CFAP299: variants seen among roughly 807,000 people sequenced by gnomAD.
CFAP299 encodes the protein cilia- and flagella-associated protein 299.
A neutral mutation model predicts 27.0 loss-of-function variants in CFAP299; 21 were observed. The ratio of observed to expected loss-of-function variants is 0.78; its 90% CI spans 0.55 to 1.12. The LOEUF is 1.12. Among genes scored for constraint, CFAP299 ranks in the 50% most tolerant of loss-of-function variants. The probability of loss-of-function intolerance (pLI) is 0.00; values close to 1 mark genes in which losing one functional copy is unlikely to be tolerated. For synonymous variants in CFAP299, 104 were observed against 98.1 expected (o/e 1.06, Z -0.36); for missense variants, 310 against 276.6 (o/e 1.12, Z -0.86).
intron 3 of CFAP299, among the ~76,000 whole-genome samples, chr4:80,721,064 A>G (rs192529391): frequency 1.3e-5 from 2 of 152,294 alleles, no homozygotes; most frequent in East Asian, 3.9e-4. Flanking sequence ...CAAAAATTAA[A>G]CACAGAAGAG....
intron 2 of CFAP299, among the ~76,000 whole-genome samples, chr4:80,494,181 G>C (rs116539869): frequency 1.6e-3 from 247 of 152,176 alleles, no homozygotes; most frequent in African/African-American, 5.8e-3. Flanking sequence ...GTCCAAAAGA[G>C]ACCCTAGATT....
At chr4:80,505,914 A>G (rs983604646) in intron 2 of CFAP299, among the ~76,000 whole-genome samples, 2 of 151,950 alleles carry the variant, frequency 1.3e-5, no homozygotes, top group South Asian at 2.1e-4. Context: ...CTCTATGATT[A>G]TGGCTATAAA....
chr4:80,904,870 C>A (rs1735104347), intron 4 of CFAP299, among the ~76,000 whole-genome samples: 1 of 152,164 alleles, frequency 6.6e-6, no homozygotes, highest in Non-Finnish European at 1.5e-5. Flanking sequence ...TCATAAGCAG[C>A]AAACATGTGT....
At chr4:80,740,782 G>C (rs1446286809) in intron 3 of CFAP299, among the ~76,000 whole-genome samples, 1 of 152,118 alleles carries the variant, frequency 6.6e-6, no homozygotes, top group Non-Finnish European at 1.5e-5. Flanking sequence ...CTTTCCAAAG[G>C]GTGGCCTTTC....
chr4:80,461,862 T>TA (rs1729455790), intron 2 of CFAP299, among the ~76,000 whole-genome samples: 1 of 152,164 alleles, frequency 6.6e-6, no homozygotes, highest in South Asian at 2.1e-4. Context: ...TATCACAGAA[T>TA]TAGAAAAGAC....
intron 3 of CFAP299, among the ~76,000 whole-genome samples, chr4:80,661,647 C>A (rs1036436275): frequency 6.6e-6 from 1 of 151,998 alleles, no homozygotes; most frequent in East Asian, 1.9e-4. Context: ...ATTGCATTAA[C>A]TGCACAAATT....
At chr4:80,666,122 C>G (rs1047492677) in intron 3 of CFAP299, among the ~76,000 whole-genome samples, 2 of 152,004 alleles carry the variant, frequency 1.3e-5, no homozygotes, top group African/African-American at 4.8e-5. Flanking sequence ...CAAAATTTAC[C>G]TTAATAGGAT....
Position 80,519,821 on chromosome 4 carries a change from G to A in CFAP299, c.243-63272G>A, listed in dbSNP as rs144029089. ...TCCTGTAACTGCCCTTAAACCTTGG[G>A]TACATAAATTTATGTTGCATACCAC... On this transcript the variant is annotated intron_variant, in intron 2 of 5. Coordinates refer to ENST00000358105, the MANE Select transcript of CFAP299 (RefSeq NM_152770.3). 2.6e-3 allele frequency among the ~76,000 whole-genome samples: 390 copies of A among 152,212 alleles called. 2 individuals are homozygous for A. The highest frequency in any genetic ancestry group is 4.9e-3 in the Non-Finnish European group (330 of 68,000).
chr4:80,891,337 T>C (rs1208892426), intron 4 of CFAP299, among the ~76,000 whole-genome samples: 1 of 151,770 alleles, frequency 6.6e-6, no homozygotes, highest in Non-Finnish European at 1.5e-5. Context: ...CCATTGCTTG[T>C]TTTTCTCAGG....
At chr4:80,948,063 C>A (rs933643291) in intron 5 of CFAP299, among the ~76,000 whole-genome samples, 19 of 152,142 alleles carry the variant, frequency 1.2e-4, no homozygotes, top group African/African-American at 4.6e-4. Context: ...CAACTCAGCT[C>A]TCCTTTTCTT....
rs778975275 is a variant in CFAP299, at chr4:80,919,965, A to G, written c.477-24845A>G. Among the ~76,000 whole-genome samples the G allele has an allele frequency of 5.7e-4, 87 of 152,116 alleles. 1 individual carries two copies. The highest frequency in any genetic ancestry group is 1.8e-4 in the Non-Finnish European group (12 of 68,004). The stretch of plus-strand genomic sequence containing the variant: ...CAAACATTAGTTCTTATAATTCTCT[A>G]AGAACTATCTGACCTGTTTTAAAAA... On this transcript the variant is annotated intron_variant, in intron 4 of 5. Transcript: ENST00000358105.
intron 3 of CFAP299, among the ~76,000 whole-genome samples, chr4:80,651,670 T>C (rs1740306285): frequency 6.6e-6 from 1 of 150,958 alleles, no homozygotes; most frequent in South Asian, 2.1e-4. Flanking sequence ...CGGGCGAATC[T>C]CACTTTCTTT....
At chr4:80,556,449 G>T (rs967624977) in intron 2 of CFAP299, among the ~76,000 whole-genome samples, 1 of 151,966 alleles carries the variant, frequency 6.6e-6, no homozygotes, top group Non-Finnish European at 1.5e-5. Flanking sequence ...ATTAAGACGT[G>T]TAAGAACTTT....
At chr4:80,368,455 G>A (rs1440942942) in intron 2 of CFAP299, among the ~76,000 whole-genome samples, 1 of 152,104 alleles carries the variant, frequency 6.6e-6, no homozygotes, top group East Asian at 1.9e-4. Context: ...CTGCTATAAT[G>A]TATAGTTATC....
At chr4:80,689,505 C>G (rs1193258234) in intron 3 of CFAP299, among the ~76,000 whole-genome samples, 1 of 152,152 alleles carries the variant, frequency 6.6e-6, no homozygotes, top group Non-Finnish European at 1.5e-5. Flanking sequence ...GAGATTTTGT[C>G]ACCACCAGGC....
intron 3 of CFAP299, among the ~76,000 whole-genome samples, chr4:80,851,837 G>T (rs1731543515): frequency 6.6e-6 from 1 of 152,092 alleles, no homozygotes; most frequent in Admixed American, 6.6e-5. Flanking sequence ...ACATTGTTAT[G>T]TTGGTTACAG....
At chr4:80,842,450 A>G (rs1730913560) in intron 3 of CFAP299, among the ~76,000 whole-genome samples, 1 of 152,162 alleles carries the variant, frequency 6.6e-6, no homozygotes, top group Admixed American at 6.6e-5. Flanking sequence ...ATAACTTGAG[A>G]AAATTACTTA....
At chr4:80,575,303 T>C (rs544860318) in intron 2 of CFAP299, among the ~76,000 whole-genome samples, 2 of 152,144 alleles carry the variant, frequency 1.3e-5, no homozygotes, top group South Asian at 4.1e-4. Context: ...GTATCAGTTA[T>C]AATGTCTCCT....
At chr4:80,498,945 C>T (rs1731594414) in intron 2 of CFAP299, among the ~76,000 whole-genome samples, 1 of 152,090 alleles carries the variant, frequency 6.6e-6, no homozygotes, top group Non-Finnish European at 1.5e-5. Flanking sequence ...TTCTTTGCAG[C>T]AACATGTATG....
Sources: allele counts gnomAD v4.1 joint callset (sites outside exome capture counted in the v4.1 genomes callset), GRCh38; gene constraint gnomAD v4.1.1; transcripts MANE v1.5; gene names NCBI Gene and HGNC (gene_info 2026-07-23, HGNC 2026-07-21).